TFDP2: variants seen among roughly 807,000 people sequenced by gnomAD.
TFDP2 encodes transcription factor Dp-2 (E2F dimerization partner 2).
TFDP2 carries 17 observed loss-of-function variants against 59.3 expected under a neutral mutation model. That is an observed-to-expected ratio of 0.29 (90% confidence interval 0.20 to 0.43). TFDP2 has a LOEUF of 0.43. TFDP2 is among the 20% of genes least tolerant of loss of function. The pLI is 1.00. For missense variants in TFDP2, 391 were observed against 528.8 expected, an observed-to-expected ratio of 0.74 and a Z score of 2.56; for synonymous variants, 180 against 194.7, an observed-to-expected ratio of 0.92 and a Z score of 0.63.
At position 141,973,115 on chromosome 3, in the gene TFDP2, ATATATATAT is replaced by A. The variant is rs1281934710; in HGVS notation, c.663+924_663+932del. On this transcript the variant is annotated intron_variant, in intron 8 of 12. Transcript: ENST00000489671. ...TGTGTATATATATATATATATATAT[ATATATATAT>A]TTTTTTTTTTTAAAGATGGAGTCTT... Among the ~76,000 whole-genome samples the A allele has an allele frequency of 5.4e-3, 494 of 91,932 alleles. 9 individuals are homozygous for A. The highest frequency in any genetic ancestry group is 0.016 in the Middle Eastern group (3 of 190). The allele number at this position is 91,932 out of a possible 152,430, so 60.3% of individuals were successfully genotyped here. A position where few individuals can be genotyped will look rare whatever the true frequency, so the allele number is the denominator to read the frequency against.
intron 3 of TFDP2, among the ~76,000 whole-genome samples, chr3:142,012,203 G>A (rs1021845589): frequency 1.3e-5 from 2 of 152,028 alleles, no homozygotes; most frequent in South Asian, 2.1e-4. Context: ...TAGTAGAGAC[G>A]GGGTTTCACT....
intron 7 of TFDP2, among the ~76,000 whole-genome samples, chr3:141,975,252 AC>A (rs766718745): frequency 5.3e-5 from 8 of 151,958 alleles, no homozygotes; most frequent in Non-Finnish European, 8.8e-5. Flanking sequence ...AATCAAGGAA[AC>A]CATGTTGGTT....
At chr3:141,959,899 T>C (rs1220543945) in intron 10 of TFDP2, 59 bp from the exon 11 acceptor site, 2 of 1,547,586 alleles carry the variant, frequency 1.3e-6, no homozygotes, top group Non-Finnish European at 1.8e-6. Context: ...TGAATAGTTT[T>C]GTATTCTATA....
At chr3:141,988,882 C>T (rs928947393) in intron 6 of TFDP2, among the ~76,000 whole-genome samples, 9 of 151,690 alleles carry the variant, frequency 5.9e-5, no homozygotes, top group African/African-American at 2.2e-4. Flanking sequence ...AGGATGGTCT[C>T]GAACTGATCC....
intron 11 of TFDP2, among the ~76,000 whole-genome samples, chr3:141,958,166 T>C (rs1936925669): frequency 6.6e-6 from 1 of 152,172 alleles, no homozygotes. Context: ...CGTTTGCATG[T>C]GGTCACTGGG....
chr3:141,958,809 C>T (rs1033451845), intron 11 of TFDP2, among the ~76,000 whole-genome samples: 6 of 152,124 alleles, frequency 3.9e-5, no homozygotes, highest in Non-Finnish European at 7.3e-5. Flanking sequence ...AGGTTTACCC[C>T]GTTCTGCCCT....
Position 142,103,987 on chromosome 3 carries a change from C to T in TFDP2, c.-92-2146G>A, listed in dbSNP as rs114403481. Among the ~76,000 whole-genome samples the T allele has an allele frequency of 3.9e-3, 593 of 152,042 alleles. 6 individuals carry two copies. Among genetic ancestry groups the T allele is most frequent in the African/African-American group, 0.014 (568 of 41,432 alleles). ...TGGTGATTTGCTGCACCTATCAACC[C>T]GTCACCTAGGTTTTAAGCTCCACAT... is the stretch of plus-strand genomic sequence containing the variant. On this transcript the variant is annotated intron_variant, in intron 1 of 12. Transcript: ENST00000489671.
chr3:142,083,451 T>C lies in TFDP2; in HGVS notation c.82+9610A>G, dbSNP rs575872083. ...TACCCAAGGCAATCTTTAGATTCAA[T>C]GCAATCCTATCAAAATACCAATGAC... On this transcript the variant is annotated intron_variant, in intron 3 of 12. Transcript: ENST00000489671. Among the ~76,000 whole-genome samples the C allele has an allele frequency of 1.9e-4, 29 of 152,312 alleles. No individual in the cohort carries two copies. The East Asian group carries it at 5.4e-3, about 28-fold the overall frequency.
intron 1 of TFDP2, among the ~76,000 whole-genome samples, chr3:142,112,209 A>G (rs1388461306): frequency 6.6e-6 from 1 of 152,234 alleles, no homozygotes; most frequent in Admixed American, 6.5e-5. Context: ...AAAACCAGTA[A>G]TATTAGCCAT....
At chr3:141,966,935 AAGAC>A (rs1414555993) in intron 9 of TFDP2, among the ~76,000 whole-genome samples, 2 of 150,820 alleles carry the variant, frequency 1.3e-5, no homozygotes, top group African/African-American at 2.4e-5. Context: ...AAAAAAAAAA[AAGAC>A]AGAGTCTTGC....
intron 6 of TFDP2, among the ~76,000 whole-genome samples, chr3:141,987,596 G>A (rs1474086743): frequency 1.3e-5 from 2 of 151,106 alleles, no homozygotes; most frequent in Non-Finnish European, 1.5e-5. Context: ...GTGTGTGTGT[G>A]TGTGTGTATG....
chr3:142,012,980 T>C (rs948967132), intron 3 of TFDP2, among the ~76,000 whole-genome samples: 45 of 151,954 alleles, frequency 3.0e-4, no homozygotes, highest in African/African-American at 1.1e-3. Context: ...CTACTAAAAA[T>C]ACAAAAATTA....
chr3:142,102,700 A>C (rs1489876478), intron 1 of TFDP2, among the ~76,000 whole-genome samples: 1 of 152,240 alleles, frequency 6.6e-6, no homozygotes, highest in Non-Finnish European at 1.5e-5. Flanking sequence ...CAAGTGATCA[A>C]AGTTACCAAA....
intron 3 of TFDP2, among the ~76,000 whole-genome samples, chr3:142,065,110 A>G (rs1353434142): frequency 6.6e-6 from 1 of 152,052 alleles, no homozygotes; most frequent in Non-Finnish European, 1.5e-5. Flanking sequence ...TGGTCAATAA[A>G]TAAAATTATT....
rs72990256 is a variant in TFDP2, at chr3:142,014,201, T to C, written c.83-8657A>G. ...CTCTGTCATTCAGCCTGGAGAGCAG[T>C]GGCACTATCACAGCTCACTGCAGCC... On this transcript the variant is annotated intron_variant, in intron 3 of 12. Transcript: ENST00000489671. 8.6e-3 allele frequency among the ~76,000 whole-genome samples: 1,316 copies of C among 152,342 alleles called. 22 individuals carry two copies. Among genetic ancestry groups the C allele is most frequent in the African/African-American group, 0.029 (1,225 of 41,584 alleles).
chr3:142,095,464 C>T (rs936344841), intron 2 of TFDP2, among the ~76,000 whole-genome samples: 2 of 152,098 alleles, frequency 1.3e-5, no homozygotes, highest in Admixed American at 1.3e-4. Context: ...TTTTTCATAT[C>T]CTAACAAGTG....
chr3:142,058,648 G>T (rs1416193108), intron 3 of TFDP2, among the ~76,000 whole-genome samples: 6 of 152,120 alleles, frequency 3.9e-5, no homozygotes, highest in Non-Finnish European at 8.8e-5. Flanking sequence ...CTACAACTCA[G>T]GAAGGCAACA....
At chr3:141,998,718 C>T (rs934474461) in intron 4 of TFDP2, among the ~76,000 whole-genome samples, 1 of 151,980 alleles carries the variant, frequency 6.6e-6, no homozygotes, top group Non-Finnish European at 1.5e-5. Context: ...TTTCAGAGTC[C>T]TCCTACCAAA....
intron 10 of TFDP2, among the ~76,000 whole-genome samples, chr3:141,961,412 T>G (rs1232837748): frequency 6.6e-6 from 1 of 151,758 alleles, no homozygotes; most frequent in Non-Finnish European, 1.5e-5. Context: ...CCTGGCTAAT[T>G]TTTGTATTTT....
Sources: allele counts gnomAD v4.1 joint callset (sites outside exome capture counted in the v4.1 genomes callset), GRCh38; gene constraint gnomAD v4.1.1; transcripts MANE v1.5; gene names NCBI Gene and HGNC (gene_info 2026-07-23, HGNC 2026-07-21).